IL1RAPL1: variants seen among roughly 807,000 people sequenced by gnomAD.
The protein encoded by IL1RAPL1 is interleukin 1 receptor accessory protein like 1.
IL1RAPL1 carries 3 observed loss-of-function variants against 48.4 expected under a neutral mutation model. The observed-to-expected ratio is 0.06, with a 90% CI of 0.03 to 0.16. The LOEUF is 0.16. IL1RAPL1 is among the 10% of genes least tolerant of loss of function. The pLI is 1.00. For synonymous variants in IL1RAPL1, 185 were observed against 187.7 expected, an observed-to-expected ratio of 0.99 and a Z score of 0.12; for missense variants, 349 against 530.6, an observed-to-expected ratio of 0.66 and a Z score of 3.36.
chrX:29,278,651 A>G (rs1168141438), intron 2 of IL1RAPL1, among the ~76,000 whole-genome samples: 2 of 112,521 alleles, frequency 1.8e-5, no homozygotes, highest in African/African-American at 3.2e-5. Flanking sequence ...TTAAAAAACA[A>G]TAACAATAAA....
intron 5 of IL1RAPL1, among the ~76,000 whole-genome samples, chrX:29,405,220 G>A (rs1160899734): frequency 9.3e-6 from 1 of 107,889 alleles, no homozygotes; most frequent in Non-Finnish European, 1.9e-5. Context: ...TCTGGATGTA[G>A]AATTTTTGAT....
chrX:29,646,146 C>T (rs1410908158), intron 5 of IL1RAPL1, among the ~76,000 whole-genome samples: 3 of 107,595 alleles, frequency 2.8e-5, no homozygotes, highest in Non-Finnish European at 5.8e-5. Flanking sequence ...ATTCAAAATA[C>T]CTCCTTTAAG....
intron 1 of IL1RAPL1, among the ~76,000 whole-genome samples, chrX:28,610,394 A>G (rs758050813): frequency 3.6e-5 from 4 of 111,908 alleles, no homozygotes; most frequent in South Asian, 3.7e-4. Flanking sequence ...ATCCTGTATT[A>G]CTGTAGGCAT....
chrX:29,228,983 T>G (rs1200103882), intron 2 of IL1RAPL1, among the ~76,000 whole-genome samples: 2 of 111,772 alleles, frequency 1.8e-5, no homozygotes, highest in Non-Finnish European at 3.8e-5. Flanking sequence ...TACTGGCTTC[T>G]TTAGTAAGAG....
rs143715132 is a variant in IL1RAPL1, at chrX:29,894,426, C to G, written c.779-23038C>G. Among the ~76,000 whole-genome samples, 588 of 112,073 alleles carry G rather than the reference C, an allele frequency of 5.2e-3. 2 individuals are homozygous for G. The highest frequency in any genetic ancestry group is 0.018 in the African/African-American group (568 of 30,941). ...TGAACATTATCGTAAGAAAACCTCACAAATATTTTAATTTCTTAAGTAAAA... is the reference window on the plus strand; with the variant it reads ...TGAACATTATCGTAAGAAAACCTCAGAAATATTTTAATTTCTTAAGTAAAA... On this transcript the variant is annotated intron_variant, in intron 6 of 10. Coordinates refer to ENST00000378993, the MANE Select transcript of IL1RAPL1 (RefSeq NM_014271.4).
At chrX:29,733,305 C>G (rs1352736227) in intron 6 of IL1RAPL1, among the ~76,000 whole-genome samples, 2 of 112,035 alleles carry the variant, frequency 1.8e-5, no homozygotes, top group Non-Finnish European at 3.8e-5. Context: ...AAAACAAGGA[C>G]GACTTCTTCC....
intron 5 of IL1RAPL1, among the ~76,000 whole-genome samples, chrX:29,465,856 C>T (rs896609863): frequency 9.9e-5 from 11 of 111,306 alleles, no homozygotes; most frequent in African/African-American, 3.6e-4. Context: ...TAAAAATGCT[C>T]ACTAGTTAAT....
At chrX:29,657,483 C>T (rs1925716618) in intron 5 of IL1RAPL1, among the ~76,000 whole-genome samples, 1 of 111,809 alleles carries the variant, frequency 8.9e-6, no homozygotes, top group Non-Finnish European at 1.9e-5. Flanking sequence ...TGTAAACCAA[C>T]TCAATATAAT....
chrX:29,839,838 T>C (rs901188567), intron 6 of IL1RAPL1, among the ~76,000 whole-genome samples: 12 of 112,128 alleles, frequency 1.1e-4, no homozygotes, highest in Admixed American at 2.8e-4. Context: ...GGAGGATCAC[T>C]TGAGCCCAGA....
chrX:29,850,640 T>C (rs769736845), intron 6 of IL1RAPL1, among the ~76,000 whole-genome samples: 1 of 112,484 alleles, frequency 8.9e-6, no homozygotes, highest in South Asian at 3.7e-4. Context: ...ATACATTGCC[T>C]TCCAGAAGGA....
At position 29,529,450 on chromosome X, in the gene IL1RAPL1, C is replaced by T. The variant is rs766404509; in HGVS notation, c.703+130142C>T. Among the ~76,000 whole-genome samples, 6 of 108,540 alleles carry T rather than the reference C, an allele frequency of 5.5e-5. No individual in the cohort carries two copies. The South Asian group carries it at 1.2e-3, about 23-fold the overall frequency. The allele number at this position is 108,540 out of a possible 115,157, so 94.3% of individuals were successfully genotyped here. ...TGCTACTAAAAATACAAAAATTAGC[C>T]GGGTGTGGTGATGCGCGCCTGTAAT... On this transcript the variant is annotated intron_variant, in intron 5 of 10. Transcript: ENST00000378993.
At chrX:29,047,388 T>C (rs1926995326) in intron 2 of IL1RAPL1, among the ~76,000 whole-genome samples, 1 of 112,210 alleles carries the variant, frequency 8.9e-6, no homozygotes, top group East Asian at 2.8e-4. Flanking sequence ...CTTGTACTTA[T>C]GGCTGAAAAT....
At chrX:28,759,388 A>C (rs1441612599) in intron 1 of IL1RAPL1, among the ~76,000 whole-genome samples, 5 of 111,323 alleles carry the variant, frequency 4.5e-5, no homozygotes, top group African/African-American at 1.6e-4. Flanking sequence ...TCCATTAAAA[A>C]TGGAAGACAT....
chrX:29,337,969 C>G (rs752382908), intron 3 of IL1RAPL1, among the ~76,000 whole-genome samples: 40 of 111,960 alleles, frequency 3.6e-4, no homozygotes, highest in Non-Finnish European at 5.4e-4. Context: ...GCCACTGCAC[C>G]TGGCCGACAA....
At chrX:29,527,842 A>T (rs967144862) in intron 5 of IL1RAPL1, among the ~76,000 whole-genome samples, 1 of 112,023 alleles carries the variant, frequency 8.9e-6, no homozygotes, top group Non-Finnish European at 1.9e-5. Flanking sequence ...CTGTAGAAAG[A>T]TGGACAAAAA....
chrX:28,722,802 AG>A (rs1285376013), intron 1 of IL1RAPL1, among the ~76,000 whole-genome samples: 3 of 111,718 alleles, frequency 2.7e-5, no homozygotes, highest in African/African-American at 9.8e-5. Context: ...TTTAGCATGA[AG>A]GGCTGTTGAA....
chrX:28,741,457 GAT>G (rs1283340532), intron 1 of IL1RAPL1, among the ~76,000 whole-genome samples: 1 of 111,541 alleles, frequency 9.0e-6, no homozygotes. Flanking sequence ...TTGTCAGATG[GAT>G]AGTTTGCAAA....
intron 2 of IL1RAPL1, among the ~76,000 whole-genome samples, chrX:29,110,896 C>T (rs374812929): frequency 1.1e-3 from 118 of 111,103 alleles, no homozygotes; most frequent in African/African-American, 3.1e-3. Context: ...TGTATTTCTT[C>T]TGATTTTTAC....
intron 6 of IL1RAPL1, among the ~76,000 whole-genome samples, chrX:29,802,289 T>A: frequency 8.9e-6 from 1 of 112,335 alleles, no homozygotes; most frequent in Non-Finnish European, 1.9e-5. Context: ...GCTTGATTTT[T>A]AGATGAGAAA....
Sources: allele counts gnomAD v4.1 joint callset (sites outside exome capture counted in the v4.1 genomes callset), GRCh38; gene constraint gnomAD v4.1.1; transcripts MANE v1.5; gene names NCBI Gene and HGNC (gene_info 2026-07-23, HGNC 2026-07-21).